The following MAP3K3 variants were observed in gnomAD, a reference collection of about 807,000 sequenced individuals.
The protein encoded by MAP3K3 is MAP/ERK kinase kinase 3.
Under a neutral mutation model 80.9 loss-of-function variants are expected in MAP3K3, and 12 were observed. The observed-to-expected ratio is 0.15, with a 90% confidence interval of 0.10 to 0.24. MAP3K3 has a LOEUF of 0.24. MAP3K3 is among the 10% of genes least tolerant of loss of function. The pLI, the probability that MAP3K3 is intolerant of heterozygous loss-of-function variation, is 1.00. For synonymous variants in MAP3K3, 272 were observed against 307.1 expected (o/e 0.89, Z 1.19); for missense variants, 596 against 834.7 (o/e 0.71, Z 3.52).
At chr17:63,686,763 C>T (rs550260410) in intron 8 of MAP3K3, among the ~76,000 whole-genome samples, 7 of 152,176 alleles carry the variant, frequency 4.6e-5, no homozygotes, top group Non-Finnish European at 8.8e-5. Flanking sequence ...TTCCTCTGTG[C>T]CTGCAGTACT....
Position 63,691,288 on chromosome 17 carries a change from G to A in MAP3K3, c.1344+55G>A, listed in dbSNP as rs2035585153. On this transcript the variant is annotated intron_variant, in intron 13 of 15. Coordinates refer to ENST00000361733, the MANE Select transcript of MAP3K3 (RefSeq NM_002401.5). This position sits in a 1 kb window ranked among gnomAD's most constrained non-coding sequence, Gnocchi z 4.8. The stretch of plus-strand genomic sequence containing the variant: ...CACACAAAAGAGGGCCTGACCTGGG[G>A]GCTGGGGCCTGCAGGAGGGGGGTCA... The A allele has an allele frequency of 1.2e-6, 2 of 1,610,870 alleles. No homozygotes were observed. The highest frequency in any genetic ancestry group is 1.7e-4 in the Middle Eastern group (1 of 6,048).
At chr17:63,685,249 C>T (rs1021965753) in intron 7 of MAP3K3, among the ~76,000 whole-genome samples, 1 of 152,198 alleles carries the variant, frequency 6.6e-6, no homozygotes, top group African/African-American at 2.4e-5. Context: ...AAGAACATGC[C>T]AACAAGAAAA....
intron 6 of MAP3K3, among the ~76,000 whole-genome samples, chr17:63,670,013 G>T: frequency 6.6e-6 from 1 of 151,832 alleles, no homozygotes; most frequent in East Asian, 1.9e-4. Context: ...TGAGGTGGGA[G>T]GATCACTTGA....
At chr17:63,638,099 A>T (rs1250291205) in intron 2 of MAP3K3, among the ~76,000 whole-genome samples, 1 of 152,220 alleles carries the variant, frequency 6.6e-6, no homozygotes, top group Non-Finnish European at 1.5e-5. Context: ...GTTTGAAAAT[A>T]AGATATAAAA....
At position 63,669,631 on chromosome 17, in the gene MAP3K3, T is replaced by G. The variant is rs2035065028; in HGVS notation, c.502+2571T>G. On this transcript the variant is annotated intron_variant, in intron 6 of 15. Coordinates refer to ENST00000361733, the MANE Select transcript of MAP3K3 (RefSeq NM_002401.5). Reference sequence around the variant, plus strand: ...CACCACTCCCTGCTAATTTTTGTGTTTTTAGTAGAGACGGGATTTCGCCAT... The same window carrying G: ...CACCACTCCCTGCTAATTTTTGTGTGTTTAGTAGAGACGGGATTTCGCCAT... 2.0e-5 allele frequency among the ~76,000 whole-genome samples: 3 copies of G among 152,266 alleles called. No homozygotes were observed. In the South Asian group the frequency reaches 6.2e-4, roughly 32 times the overall value.
chr17:63,675,018 C>A (rs947070175), intron 6 of MAP3K3, among the ~76,000 whole-genome samples: 1 of 152,150 alleles, frequency 6.6e-6, no homozygotes. Flanking sequence ...CACTTGGAAA[C>A]AAAATGGTTA....
In MAP3K3 at chr17:63,646,054, C is replaced by T. The variant is rs755152020; in HGVS notation, c.147C>T (p.Phe49=). 21 of 1,613,994 alleles carry T rather than the reference C, an allele frequency of 1.3e-5. No individual in the cohort carries two copies. The highest frequency in any genetic ancestry group is 1.7e-5 in the Admixed American group (1 of 60,014). Residue 49 remains phenylalanine (F), a synonymous_variant, in exon 3 of 16, where the codon TTC becomes TTT. Transcript: ENST00000361733. ...GGCAGAGTGACGTCAGAATCAAGTT[C>T]GAGCACAACGGGGAGAGGCGGTAAG... is the stretch of plus-strand genomic sequence containing the variant. ...SNRQSDVRIK[F]EHNGERRIIA...
chr17:63,622,934 C>G (rs2034020997), intron 1 of MAP3K3, among the ~76,000 whole-genome samples, 171 bp downstream of exon 1: 1 of 146,020 alleles, frequency 6.8e-6, no homozygotes, highest in East Asian at 2.0e-4. Flanking sequence ...CGCCGCGGCC[C>G]GGGCGGGGGT....
In MAP3K3 at chr17:63,661,194, A is replaced by G. The variant is rs944144091; in HGVS notation, c.381+3287A>G. On this transcript the variant is annotated intron_variant, in intron 5 of 15. Transcript: ENST00000361733. ...CCTGAGTAGCTGGGATTACAGGTGC[A>G]TGCCACCATGCCCGGCTAAGTTTTG... Among the ~76,000 whole-genome samples the G allele has an allele frequency of 3.3e-5, 5 of 152,218 alleles. No homozygotes were observed. The East Asian group carries it at 9.6e-4, about 29-fold the overall frequency.
At chr17:63,657,572 G>A (rs973759812) in intron 4 of MAP3K3, among the ~76,000 whole-genome samples, 1 of 152,002 alleles carries the variant, frequency 6.6e-6, no homozygotes, top group African/African-American at 2.4e-5. Flanking sequence ...TTATGATGAT[G>A]GTTGCACAAC....
chr17:63,681,137 A>C (rs976204927), intron 6 of MAP3K3, among the ~76,000 whole-genome samples: 1 of 151,578 alleles, frequency 6.6e-6, no homozygotes, highest in African/African-American at 2.4e-5. Context: ...AAAAGGTAAT[A>C]TCATTACTCA....
intron 7 of MAP3K3, 60 bp downstream of exon 7, chr17:63,681,959 A>G (rs1358335664): frequency 3.0e-6 from 4 of 1,313,760 alleles, no homozygotes; most frequent in Non-Finnish European, 3.9e-6. Flanking sequence ...AGCTCATAAC[A>G]AGGGGTTCTT....
intron 6 of MAP3K3, among the ~76,000 whole-genome samples, chr17:63,673,708 C>T (rs1598104574): frequency 6.6e-6 from 1 of 151,988 alleles, no homozygotes; most frequent in Non-Finnish European, 1.5e-5. Context: ...GATGGGAGTT[C>T]AAGACCAGCC....
chr17:63,686,873 G>C (rs1009603688), intron 8 of MAP3K3, among the ~76,000 whole-genome samples: 3 of 152,182 alleles, frequency 2.0e-5, no homozygotes, highest in African/African-American at 7.2e-5. Context: ...ATCTGGGAAA[G>C]GGCATGAGAT....
chr17:63,672,086 C>T (rs1274833530), intron 6 of MAP3K3, among the ~76,000 whole-genome samples: 1 of 151,706 alleles, frequency 6.6e-6, no homozygotes, highest in East Asian at 1.9e-4. Context: ...AGTTTGAAAC[C>T]AACCTGACCA....
chr17:63,639,439 C>G (rs992341163), intron 2 of MAP3K3, among the ~76,000 whole-genome samples: 3 of 152,154 alleles, frequency 2.0e-5, no homozygotes, highest in African/African-American at 7.2e-5. Context: ...ACTGAATGAG[C>G]CTAAATCCCA....
At chr17:63,690,534 C>CT in intron 12 of MAP3K3, 122 bp downstream of exon 12, 2 of 1,093,410 alleles carry the variant, frequency 1.8e-6, no homozygotes, top group Non-Finnish European at 2.6e-6. Context: ...CCCAAACTCC[C>CT]TTTCTGTCCA....
intron 2 of MAP3K3, chr17:63,634,729 C>T (rs1454823459): frequency 6.2e-7 from 1 of 1,613,826 alleles, no homozygotes; most frequent in Admixed American, 1.7e-5. Context: ...ACAGCAGCAG[C>T]TCAGCCCTTC....
rs562139427 is a variant in MAP3K3, at chr17:63,662,063, A to G, written c.381+4156A>G. ...GCTTGCAGTGAGCCAGGATTGCGCCATTGCACTCCAGCCTGAGCCACAGAG... is the reference window on the plus strand; with the variant it reads ...GCTTGCAGTGAGCCAGGATTGCGCCGTTGCACTCCAGCCTGAGCCACAGAG... On this transcript the variant is annotated intron_variant, in intron 5 of 15. Transcript: ENST00000361733. 1.1e-4 allele frequency among the ~76,000 whole-genome samples: 16 copies of G among 151,738 alleles called. No individual in the cohort carries two copies. The South Asian group carries it at 2.1e-3, about 20-fold the overall frequency.
Sources: allele counts gnomAD v4.1 joint callset (sites outside exome capture counted in the v4.1 genomes callset), GRCh38; gene constraint gnomAD v4.1.1; non-coding constraint Gnocchi (gnomAD v3.1); transcripts MANE v1.5; gene names NCBI Gene and HGNC (gene_info 2026-07-23, HGNC 2026-07-21).